GAREM1: variants seen among roughly 807,000 people sequenced by gnomAD.
GAREM1 encodes the protein GRB2-associated and regulator of MAPK protein 1.
A neutral mutation model predicts 71.3 loss-of-function variants in GAREM1; 26 were observed. The observed-to-expected ratio is 0.36, with a 90% CI of 0.27 to 0.51. The LOEUF (loss-of-function observed/expected upper bound fraction) is 0.51. Ranked by LOEUF, GAREM1 falls within the 20% of genes least tolerant of loss-of-function variation. GAREM1 has a pLI of 0.95. For synonymous variants in GAREM1, 440 were observed against 433.2 expected, an observed-to-expected ratio of 1.02 and a Z score of -0.20; for missense variants, 1,026 against 1,103.1, an observed-to-expected ratio of 0.93 and a Z score of 0.99.
Position 32,287,303 on chromosome 18 carries a change from C to T in GAREM1, c.1294G>A (p.Asp432Asn), listed in dbSNP as rs535391600. The T allele has an allele frequency of 5.3e-5, 85 of 1,614,154 alleles. No individual in the cohort carries two copies. In the South Asian group the frequency reaches 5.6e-4, roughly 11 times the overall value. The change falls in exon 4 of 6, where the codon GAC (aspartate) becomes AAC (asparagine). Residue 432 changes from aspartate to asparagine, a missense_variant. Asp to Asn is a conservative substitution (Grantham distance 23, BLOSUM62 1). Around this residue, in one of 3 missense-constraint regions of GAREM1, gnomAD observed 636 missense variants for 631.2 expected, o/e 1.01. Coordinates refer to ENST00000269209, the MANE Select transcript of GAREM1 (RefSeq NM_001242409.2). The surrounding 1 kb of genome is among the most constrained non-coding windows in gnomAD (Gnocchi z 5.9). ...PYQDSGDSGS[D>N]YLFPEASEES... ...TCACTAGCTTCTGGGAAAAGGTAGT[C>T]GCTCCCACTATCTCCAGAGTCCTGA...
chr18:32,330,315 T>A (rs1026792612), intron 2 of GAREM1, among the ~76,000 whole-genome samples: 1 of 152,176 alleles, frequency 6.6e-6, no homozygotes, highest in African/African-American at 2.4e-5. Flanking sequence ...TGGATACTCA[T>A]GGACATCAAG....
At chr18:32,289,489 T>C (rs986312144) in intron 3 of GAREM1, among the ~76,000 whole-genome samples, 4 of 152,220 alleles carry the variant, frequency 2.6e-5, no homozygotes, top group African/African-American at 9.6e-5. Flanking sequence ...ACTTTTTGTG[T>C]AAATGAAAAT....
intron 1 of GAREM1, among the ~76,000 whole-genome samples, chr18:32,433,859 A>T (rs1201659606): frequency 6.6e-6 from 1 of 152,178 alleles, no homozygotes; most frequent in Non-Finnish European, 1.5e-5. Context: ...TTAAGACATC[A>T]GTCAGTCCAA....
rs1314114208 is a variant in GAREM1, at chr18:32,267,124, A to AT, written c.*746_*747insA. 1 of 152,222 alleles carries AT rather than the reference A, an allele frequency of 6.6e-6. No homozygotes were observed. The highest frequency in any genetic ancestry group is 2.4e-5 in the African/African-American group (1 of 41,456). The allele number at this position is 152,222 out of a possible 1,614,324, so 9.4% of individuals were successfully genotyped here. ...GTTTAAAAGTGAACAGATGTTATCT[A>AT]AAATATCAGAATCAAAATTATGTGT... is the stretch of plus-strand genomic sequence containing the variant. On this transcript the variant is annotated 3_prime_UTR_variant, in exon 6 of 6. Coordinates refer to ENST00000269209, the MANE Select transcript of GAREM1 (RefSeq NM_001242409.2).
chr18:32,325,462 G>A (rs2047465678), intron 2 of GAREM1, among the ~76,000 whole-genome samples: 1 of 152,132 alleles, frequency 6.6e-6, no homozygotes, highest in African/African-American at 2.4e-5. Context: ...CTCTGCGTGT[G>A]GTGGGGAAAG....
intron 2 of GAREM1, among the ~76,000 whole-genome samples, chr18:32,355,081 A>C (rs1000659530): frequency 2.6e-5 from 4 of 152,222 alleles, no homozygotes; most frequent in Admixed American, 2.6e-4. Context: ...ATCTTTTCAA[A>C]GAATGTGCTG....
At chr18:32,405,556 A>G (rs1188397078) in intron 1 of GAREM1, among the ~76,000 whole-genome samples, 2 of 152,160 alleles carry the variant, frequency 1.3e-5, no homozygotes, top group Non-Finnish European at 2.9e-5. Context: ...TGACTATCAA[A>G]TAAGTGTCCT....
At chr18:32,270,476 T>A in intron 4 of GAREM1, 93 bp from the exon 5 acceptor site, 1 of 1,087,974 alleles carries the variant, frequency 9.2e-7, no homozygotes, top group Non-Finnish European at 1.3e-6. Context: ...GTCACACTCT[T>A]AAACCGTAAC....
chr18:32,411,790 C>A (rs2144684895), intron 1 of GAREM1, among the ~76,000 whole-genome samples: 1 of 151,992 alleles, frequency 6.6e-6, no homozygotes, highest in African/African-American at 2.4e-5. Flanking sequence ...TAGAACCTGG[C>A]ATCACCCTGA....
chr18:32,337,563 G>A (rs1466734344), intron 2 of GAREM1, among the ~76,000 whole-genome samples: 1 of 152,172 alleles, frequency 6.6e-6, no homozygotes, highest in Non-Finnish European at 1.5e-5. Context: ...TAGGAAAGAA[G>A]GACAAGCTCT....
chr18:32,300,191 T>C (rs2047185747), intron 3 of GAREM1, among the ~76,000 whole-genome samples: 1 of 152,162 alleles, frequency 6.6e-6, no homozygotes, highest in South Asian at 2.1e-4. Flanking sequence ...CCCTAAAGAC[T>C]CCAGAGAGTA....
intron 1 of GAREM1, among the ~76,000 whole-genome samples, chr18:32,436,688 T>G (rs770449277): frequency 2.0e-5 from 3 of 152,136 alleles, no homozygotes; most frequent in Non-Finnish European, 2.9e-5. Context: ...ATTTTTAAAT[T>G]AAAGGTAGGA....
At chr18:32,425,341 C>CCT (rs1480044911) in intron 1 of GAREM1, among the ~76,000 whole-genome samples, 13 of 152,262 alleles carry the variant, frequency 8.5e-5, no homozygotes, top group African/African-American at 2.9e-4. Context: ...TAAGAAAGGT[C>CCT]CTACCATTTT....
At chr18:32,369,563 C>A (rs761868370) in intron 2 of GAREM1, among the ~76,000 whole-genome samples, 41 of 152,152 alleles carry the variant, frequency 2.7e-4, no homozygotes, top group Non-Finnish European at 5.3e-4. Flanking sequence ...TCAGTATCAA[C>A]CCCCAGAATC....
At chr18:32,465,158 C>G (rs548620052) in intron 1 of GAREM1, among the ~76,000 whole-genome samples, 46 of 152,224 alleles carry the variant, frequency 3.0e-4, no homozygotes, top group African/African-American at 1.1e-3. Flanking sequence ...TGTGTACTCT[C>G]TTAAAATACA....
chr18:32,450,805 A>C (rs989472555), intron 1 of GAREM1, among the ~76,000 whole-genome samples: 10 of 152,096 alleles, frequency 6.6e-5, no homozygotes, highest in African/African-American at 2.2e-4. Context: ...GACATGTAAG[A>C]GGGATACAAG....
chr18:32,311,202 T>G (rs142300585), intron 2 of GAREM1, among the ~76,000 whole-genome samples: 4 of 152,348 alleles, frequency 2.6e-5, no homozygotes, highest in Non-Finnish European at 5.9e-5. Flanking sequence ...AAAGACCATA[T>G]GCAATCATAT....
chr18:32,435,771 T>C (rs1459658414), intron 1 of GAREM1, among the ~76,000 whole-genome samples: 1 of 152,182 alleles, frequency 6.6e-6, no homozygotes, highest in Non-Finnish European at 1.5e-5. Flanking sequence ...ATTTCACACA[T>C]GGAATCTGGG....
intron 1 of GAREM1, among the ~76,000 whole-genome samples, chr18:32,435,247 T>G: frequency 6.6e-6 from 1 of 151,932 alleles, no homozygotes; most frequent in African/African-American, 2.4e-5. Context: ...AGATTGAATC[T>G]TGGGATGAAA....
Sources: gnomAD v4.1 joint callset for allele counts (sites outside exome capture counted in the v4.1 genomes callset) on GRCh38, gnomAD v4.1.1 for gene constraint, gnomAD v4.1.1 regional missense constraint, Gnocchi (gnomAD v3.1) non-coding constraint, MANE v1.5 for transcripts, NCBI Gene and HGNC (gene_info 2026-07-23, HGNC 2026-07-21) for gene names.